The following TNS4 variants were observed in gnomAD, a reference collection of about 807,000 sequenced individuals.
TNS4 encodes tensin-4.
TNS4 carries 46 observed loss-of-function variants against 70.4 expected under a neutral mutation model. The ratio of observed to expected loss-of-function variants is 0.65; its 90% CI spans 0.52 to 0.84. The LOEUF (loss-of-function observed/expected upper bound fraction) is 0.84. Ranked by LOEUF, TNS4 falls within the 40% of genes least tolerant of loss-of-function variation. TNS4 has a pLI of 0.00. For synonymous variants in TNS4, 390 were observed against 366.6 expected (o/e 1.06, Z -0.73); for missense variants, 863 against 907.0 (o/e 0.95, Z 0.62).
intron 9 of TNS4, 122 bp from the exon 10 acceptor site, chr17:40,479,964 G>T: frequency 2.4e-6 from 3 of 1,263,730 alleles, no homozygotes; most frequent in Non-Finnish European, 2.1e-6. Flanking sequence ...TCTTAGAGCC[G>T]CCACCCAACA....
chr17:40,499,323 TA>T (rs1247301022), intron 1 of TNS4, among the ~76,000 whole-genome samples: 1 of 152,032 alleles, frequency 6.6e-6, no homozygotes, highest in Non-Finnish European at 1.5e-5. Flanking sequence ...TGTGAGCCCT[TA>T]AAAGGGACAG....
Position 40,488,672 on chromosome 17 carries a change from A to G in TNS4, c.737T>C (p.Leu246Ser). The G allele has an allele frequency of 6.4e-7, 1 of 1,571,304 alleles. No individual in the cohort carries two copies. Among genetic ancestry groups the G allele is most frequent in the African/African-American group, 1.4e-5 (1 of 73,054 alleles). The change falls in exon 3 of 13, where the codon TTG becomes TCG. Residue 246 changes from leucine to serine, a missense_variant. Transcript: ENST00000254051. ...MGSKASSPHG[L>S]GSPLVASPRL... ...TGGAGAAGCCACCAGCGGGGAGCCC[A>G]AACCATGGGGGCTCGAGGCCTTGCT...
In TNS4 at chr17:40,488,835, G is replaced by A. The variant is rs146714186; in HGVS notation, c.574C>T (p.Arg192Ter). ...GGLLLSRDVP[R>*]ETRSSSESLI... ...CTCTCACTGCTGCTTCGTGTCTCTC[G>A]GGGGACGTCTCTGGAAAGGAGGAGG... Residue 192 changes from arginine to a stop codon, truncating the protein, a stop_gained, in exon 3 of 13, where the codon CGA becomes TGA. Coordinates refer to ENST00000254051, the MANE Select transcript of TNS4 (RefSeq NM_032865.6). LOFTEE classifies it high-confidence loss of function. 26 of 1,613,484 alleles carry A rather than the reference G, an allele frequency of 1.6e-5. No homozygotes were observed. The African/African-American group carries it at 2.1e-4, about 13-fold the overall frequency.
chr17:40,495,026 C>T (rs897368115), intron 2 of TNS4, among the ~76,000 whole-genome samples: 2 of 151,898 alleles, frequency 1.3e-5, no homozygotes, highest in South Asian at 4.2e-4. Context: ...CCTTTGGACT[C>T]GGTGGTGCCC....
At position 40,479,635 on chromosome 17, in the gene TNS4, C is replaced by T. The variant is rs373629071; in HGVS notation, c.1910+39G>A. The T allele has an allele frequency of 1.1e-3, 1,756 of 1,594,706 alleles. 8 individuals are homozygous for T. Among genetic ancestry groups the T allele is most frequent in the Middle Eastern group, 9.2e-3 (55 of 5,962 alleles). On this transcript the variant is annotated intron_variant, in intron 10 of 12. Coordinates refer to ENST00000254051, the MANE Select transcript of TNS4 (RefSeq NM_032865.6). ...TCAGCTATCCCCTCCAGCTCTACTCCGCCAGCCCCGGAGCCCCAGGGCAAG... is the reference window on the plus strand; with the variant it reads ...TCAGCTATCCCCTCCAGCTCTACTCTGCCAGCCCCGGAGCCCCAGGGCAAG...
chr17:40,484,795 G>A lies in TNS4; in HGVS notation c.1375+126C>T, dbSNP rs1597692193. The A allele has an allele frequency of 7.3e-6, 10 of 1,362,480 alleles. No homozygotes were observed. In the East Asian group the frequency reaches 2.1e-4, roughly 29 times the overall value. The allele number at this position is 1,362,480 out of a possible 1,614,324, so 84.4% of individuals were successfully genotyped here. A position where few individuals can be genotyped will look rare whatever the true frequency, so the allele number is the denominator to read the frequency against. On this transcript the variant is annotated intron_variant, in intron 5 of 12. Transcript: ENST00000254051. ...TCCTCGGGAGGTCATGAGGTCAGCA[G>A]GACATCCCCCTCCCCCGCTTCCCAG...
rs530917617 is a variant in TNS4 at position 40,494,107 on chromosome 17, G to T, written c.439+1880C>A. 1.9e-3 allele frequency among the ~76,000 whole-genome samples: 282 copies of T among 152,346 alleles called. 2 individuals are homozygous for T. Among genetic ancestry groups the T allele is most frequent in the Non-Finnish European group, 1.6e-3 (109 of 68,022 alleles). On this transcript the variant is annotated intron_variant, in intron 2 of 12. Transcript: ENST00000254051. Reference sequence around the variant, plus strand: ...AGCCCAGGAACCCTGGGTGCCAGAGGGCCTGGGTGCTGGGCTGGCCTCCAC... The same window carrying T: ...AGCCCAGGAACCCTGGGTGCCAGAGTGCCTGGGTGCTGGGCTGGCCTCCAC...
chr17:40,494,147 C>G (rs745799520), intron 2 of TNS4, among the ~76,000 whole-genome samples: 9 of 152,264 alleles, frequency 5.9e-5, no homozygotes, highest in Non-Finnish European at 1.3e-4. Flanking sequence ...GAGCCCAAAC[C>G]TGGGGCTAGC....
At position 40,487,125 on chromosome 17, in the gene TNS4, G is replaced by C. The variant is rs758198311; in HGVS notation, c.1199C>G (p.Pro400Arg). The C allele has an allele frequency of 1.9e-6, 3 of 1,614,222 alleles. No homozygotes were observed. The East Asian group carries it at 6.7e-5, about 36-fold the overall frequency. Residue 400 changes from proline to arginine, a missense_variant, in exon 4 of 13, where the codon CCT becomes CGT. By Grantham distance (103) the Pro-to-Arg change is moderately radical. Coordinates refer to ENST00000254051, the MANE Select transcript of TNS4 (RefSeq NM_032865.6). Reference sequence around the variant, plus strand: ...GGGGTTGCTGGGAGAAGCAGCTCCAGGTTGAACGGAGTTCTGGTGTCCTGG... The same window carrying C: ...GGGGTTGCTGGGAGAAGCAGCTCCACGTTGAACGGAGTTCTGGTGTCCTGG... ...RTPGHQNSVQ[P>R]GAASPSNPCP...
intron 6 of TNS4, among the ~76,000 whole-genome samples, chr17:40,482,671 G>A (rs991361177): frequency 6.6e-6 from 1 of 151,810 alleles, no homozygotes; most frequent in Non-Finnish European, 1.5e-5. Context: ...CCAGCTACCC[G>A]GGAGGCTGAG....
Position 40,496,432 on chromosome 17 carries a change from G to C in TNS4, c.-7C>G. The C allele has an allele frequency of 6.2e-7, 1 of 1,609,764 alleles. No homozygotes were observed. On this transcript the variant is annotated 5_prime_UTR_variant, in exon 2 of 13. Transcript: ENST00000254051. Reference sequence around the variant, plus strand: ...TGGACATCACCTGGGACATGGTGGGGGTGGTGACCTCTGCAGTTTACCTCT... The same window carrying C: ...TGGACATCACCTGGGACATGGTGGGCGTGGTGACCTCTGCAGTTTACCTCT...
intron 9 of TNS4, chr17:40,480,125 C>T (rs1797813323): frequency 7.3e-6 from 3 of 410,860 alleles, no homozygotes; most frequent in Non-Finnish European, 1.3e-5. Flanking sequence ...AGGAAAACAT[C>T]CTTCTGTCCA....
intron 2 of TNS4, among the ~76,000 whole-genome samples, chr17:40,494,512 A>G (rs1367291239): frequency 1.3e-5 from 2 of 152,184 alleles, no homozygotes; most frequent in African/African-American, 2.4e-5. Flanking sequence ...TGGGTGGATC[A>G]CTTGAGCTCA....
In TNS4 at chr17:40,496,189, G is replaced by A; in HGVS notation, c.237C>T (p.Phe79=). 2 of 1,607,248 alleles carry A rather than the reference G, an allele frequency of 1.2e-6. No homozygotes were observed. The highest frequency in any genetic ancestry group is 1.7e-6 in the Non-Finnish European group (2 of 1,176,582). ...AGGCCTTCTCACCAGGGGACGGCAG[G>A]AAGCAGGTGGCTTTGGCCTCCACCT... ...APQVEAKATC[F]LPSPGEKALG... The change falls in exon 2 of 13, where the codon TTC becomes TTT. Residue 79 remains phenylalanine (F), a synonymous_variant. Transcript: ENST00000254051.
intron 1 of TNS4, among the ~76,000 whole-genome samples, chr17:40,497,804 C>A (rs2036165187): frequency 6.6e-6 from 1 of 152,138 alleles, no homozygotes; most frequent in South Asian, 2.1e-4. Context: ...GCCAGCTCAA[C>A]CCTGAGGGCA....
chr17:40,495,649 A>T (rs1224447293), intron 2 of TNS4, among the ~76,000 whole-genome samples: 1 of 152,174 alleles, frequency 6.6e-6, no homozygotes, highest in African/African-American at 2.4e-5. Context: ...ACCCTAGGAC[A>T]GTGGGGGTCA....
chr17:40,478,525 G>C, intron 11 of TNS4, 55 bp downstream of exon 11: 1 of 1,603,488 alleles, frequency 6.2e-7, no homozygotes, highest in Non-Finnish European at 8.5e-7. Flanking sequence ...AGGACGCCTT[G>C]GTGGGCAGCG....
chr17:40,481,217 C>T (rs2035917707), intron 8 of TNS4, among the ~76,000 whole-genome samples: 1 of 152,094 alleles, frequency 6.6e-6, no homozygotes, highest in Non-Finnish European at 1.5e-5. Flanking sequence ...ATCTGAGCTG[C>T]CCCCCTACCT....
chr17:40,483,589 A>T (rs894145469), intron 6 of TNS4, among the ~76,000 whole-genome samples: 1 of 152,134 alleles, frequency 6.6e-6, no homozygotes, highest in Non-Finnish European at 1.5e-5. Flanking sequence ...TGCTGGAGCC[A>T]CGCTGGCCCC....
Sources: allele counts gnomAD v4.1 joint callset (sites outside exome capture counted in the v4.1 genomes callset), GRCh38; gene constraint gnomAD v4.1.1; transcripts MANE v1.5; gene names NCBI Gene and HGNC (gene_info 2026-07-23, HGNC 2026-07-21).